Variants in SVOPL observed in about 807,000 individuals in gnomAD.
SVOPL encodes SVOP like.
Under a neutral mutation model 61.0 loss-of-function variants are expected in SVOPL, and 60 were observed. The ratio of observed to expected loss-of-function variants is 0.98; its 90% CI spans 0.80 to 1.22. The LOEUF (loss-of-function observed/expected upper bound fraction) is 1.22, where lower values mean the gene tolerates loss of function less well. Ranked by LOEUF, SVOPL falls within the 50% of genes most tolerant of loss-of-function variation. The pLI, the probability that SVOPL is intolerant of heterozygous loss-of-function variation, is 0.00. For synonymous variants in SVOPL, 279 were observed against 250.0 expected, an observed-to-expected ratio of 1.12 and a Z score of -1.09; for missense variants, 662 against 643.9, an observed-to-expected ratio of 1.03 and a Z score of -0.30.
intron 10 of SVOPL, among the ~76,000 whole-genome samples, chr7:138,629,039 A>G (rs892264838): frequency 6.6e-6 from 1 of 151,860 alleles, no homozygotes; most frequent in African/African-American, 2.4e-5. Flanking sequence ...AAATTTTAAA[A>G]CTTCAAAAAT....
chr7:138,630,806 G>A (rs1398862037), intron 9 of SVOPL, among the ~76,000 whole-genome samples: 2 of 152,118 alleles, frequency 1.3e-5, no homozygotes, highest in East Asian at 1.9e-4. Context: ...AGCCGGACAT[G>A]GTGGAGCATG....
chr7:138,628,791 G>A (rs544680600), intron 10 of SVOPL, among the ~76,000 whole-genome samples: 1 of 152,204 alleles, frequency 6.6e-6, no homozygotes, highest in South Asian at 2.1e-4. Flanking sequence ...GCATTTCTCT[G>A]GTGACTTTAA....
At chr7:138,625,680 G>A (rs1799858619) in intron 13 of SVOPL, among the ~76,000 whole-genome samples, 1 of 152,196 alleles carries the variant, frequency 6.6e-6, no homozygotes, top group Non-Finnish European at 1.5e-5. Context: ...AATGCAACAT[G>A]TTGCTACCTA....
intron 6 of SVOPL, among the ~76,000 whole-genome samples, chr7:138,657,092 C>T (rs1801778740): frequency 6.6e-6 from 1 of 151,680 alleles, no homozygotes; most frequent in African/African-American, 2.4e-5. Context: ...AAGGGAAGCA[C>T]TGGCAAAATG....
At chr7:138,685,605 CA>C (rs533130466) in intron 1 of SVOPL, among the ~76,000 whole-genome samples, 117 of 152,218 alleles carry the variant, frequency 7.7e-4, no homozygotes, top group Non-Finnish European at 1.3e-3. Flanking sequence ...GTTCTTATCA[CA>C]AAAATAATAA....
chr7:138,694,094 G>A (rs77618570), intron 1 of SVOPL, among the ~76,000 whole-genome samples: 4,907 of 152,296 alleles, frequency 0.032, 264 homozygotes, highest in African/African-American at 0.11. Context: ...ATTGGCAGAC[G>A]TGTAAATTGG....
chr7:138,637,194 G>T (rs562186376), intron 9 of SVOPL, among the ~76,000 whole-genome samples: 249 of 152,094 alleles, frequency 1.6e-3, no homozygotes, highest in African/African-American at 6.0e-3. Flanking sequence ...TTGGGAAGTT[G>T]AGGTGGGTGT....
intron 7 of SVOPL, among the ~76,000 whole-genome samples, chr7:138,649,638 A>G (rs1262461272): frequency 6.6e-6 from 1 of 152,088 alleles, no homozygotes; most frequent in Non-Finnish European, 1.5e-5. Context: ...GTTACCAACA[A>G]AAACAAGACT....
intron 12 of SVOPL, among the ~76,000 whole-genome samples, chr7:138,626,659 C>T (rs1799906047): frequency 1.3e-5 from 2 of 152,072 alleles, no homozygotes. Flanking sequence ...TCCCAAAGTT[C>T]TGGGATTACT....
At chr7:138,661,310 T>A (rs1245954688) in intron 5 of SVOPL, 5 of 985,456 alleles carry the variant, frequency 5.1e-6, no homozygotes, top group Non-Finnish European at 6.0e-6. Flanking sequence ...TATACCAACA[T>A]GAGCAAAATG....
At chr7:138,661,593 C>T (rs1802003089) in intron 5 of SVOPL, 2 of 985,296 alleles carry the variant, frequency 2.0e-6, no homozygotes, top group Non-Finnish European at 2.4e-6. Context: ...GCAAGTTGCA[C>T]AATGTGACGC....
intron 14 of SVOPL, among the ~76,000 whole-genome samples, chr7:138,615,273 C>T (rs1315637606): frequency 2.6e-5 from 4 of 152,024 alleles, no homozygotes. Context: ...AAAGAGATCA[C>T]AAGGCTGGGC....
intron 7 of SVOPL, among the ~76,000 whole-genome samples, chr7:138,652,822 CA>C (rs1801507334): frequency 6.6e-6 from 1 of 152,106 alleles, no homozygotes; most frequent in African/African-American, 2.4e-5. Flanking sequence ...AACAGGGTTT[CA>C]CCATGTTAGC....
At chr7:138,639,926 TA>T (rs1800698610) in intron 9 of SVOPL, among the ~76,000 whole-genome samples, 2 of 140,084 alleles carry the variant, frequency 1.4e-5, no homozygotes, top group South Asian at 4.6e-4. Context: ...TTTTTTTTTT[TA>T]GCGGGGAGCG....
chr7:138,604,677 CAAA>C (rs5887890), intron 14 of SVOPL, among the ~76,000 whole-genome samples: 6 of 58,810 alleles, frequency 1.0e-4, no homozygotes, highest in Admixed American at 6.5e-4. Context: ...AACTTTATCT[CAAA>C]AAAAAAAAAA....
chr7:138,641,671 C>CAAA (rs34649341), intron 9 of SVOPL, among the ~76,000 whole-genome samples: 8 of 101,364 alleles, frequency 7.9e-5, no homozygotes, highest in East Asian at 2.8e-4. Context: ...AACTCCATCT[C>CAAA]AAAAAAAAAA....
At chr7:138,683,843 G>C (rs1310057023) in intron 1 of SVOPL, among the ~76,000 whole-genome samples, 1 of 150,762 alleles carries the variant, frequency 6.6e-6, no homozygotes, top group East Asian at 2.0e-4. Flanking sequence ...CACAAGATCA[G>C]GAGTTCGAGA....
At chr7:138,664,386 T>C (rs1802157001) in intron 4 of SVOPL, among the ~76,000 whole-genome samples, 1 of 141,114 alleles carries the variant, frequency 7.1e-6, no homozygotes, top group Non-Finnish European at 1.5e-5. Flanking sequence ...TAATCCTCCA[T>C]CGGGCACGCC....
intron 1 of SVOPL, among the ~76,000 whole-genome samples, chr7:138,682,898 A>G (rs191613201): frequency 6.9e-6 from 1 of 144,890 alleles, no homozygotes; most frequent in African/African-American, 2.6e-5. Flanking sequence ...AACCCAGGAG[A>G]TGGAGGTTGC....
Sources: gnomAD v4.1 joint callset for allele counts (sites outside exome capture counted in the v4.1 genomes callset) on GRCh38, gnomAD v4.1.1 for gene constraint, MANE v1.5 for transcripts, NCBI Gene and HGNC (gene_info 2026-07-23, HGNC 2026-07-21) for gene names.